The following SNRK variants were observed in gnomAD, a reference collection of about 807,000 sequenced individuals.
The protein encoded by SNRK is SNF related kinase, also known as SNF-related serine/threonine-protein kinase.
Under a neutral mutation model 48.2 loss-of-function variants are expected in SNRK, and 3 were observed. That is an observed-to-expected ratio of 0.06 (90% CI 0.03 to 0.16). The LOEUF is 0.16. Among genes scored for constraint, SNRK ranks in the 10% least tolerant of loss-of-function variants. The pLI, the probability that SNRK is intolerant of heterozygous loss-of-function variation, is 1.00. For synonymous variants in SNRK, 376 were observed against 366.1 expected (o/e 1.03, Z -0.31); for missense variants, 627 against 976.0 (o/e 0.64, Z 4.76).
rs1382345475 is a variant in SNRK, at chr3:43,343,489, A to G, written c.1079+11A>G. 1.2e-6 allele frequency: 2 copies of G among 1,606,534 alleles called. No homozygotes were observed. Among genetic ancestry groups the G allele is most frequent in the Admixed American group, 3.5e-5 (2 of 57,316 alleles). Reference sequence around the variant, plus strand: ...CAAGGCCCAGTTTAGGTGAGAAAAAAATCTTCACTGATTTTAGTAAGTTTA... The same window carrying G: ...CAAGGCCCAGTTTAGGTGAGAAAAAGATCTTCACTGATTTTAGTAAGTTTA... On this transcript the variant is annotated intron_variant, in intron 6 of 6. Transcript: ENST00000296088.
intron 2 of SNRK, among the ~76,000 whole-genome samples, chr3:43,301,097 TACTC>T (rs1243256479): frequency 1.2e-4 from 18 of 152,280 alleles, no homozygotes; most frequent in Admixed American, 5.9e-4. Flanking sequence ...TGGTGTGTAA[TACTC>T]ATTCAGTAAA....
rs559264137 is a variant in SNRK, at chr3:43,325,814, C to T, written c.590-6355C>T. ...TGGTGAAGCAGTTCTCCAATGGGTC[C>T]CCCCTTGGATGAGTATCCATATTGA... On this transcript the variant is annotated intron_variant, in intron 3 of 6. Coordinates refer to ENST00000296088, the MANE Select transcript of SNRK (RefSeq NM_017719.5). Among the ~76,000 whole-genome samples, 5 of 152,134 alleles carry T rather than the reference C, an allele frequency of 3.3e-5. No homozygotes were observed. The South Asian group carries it at 1.0e-3, about 32-fold the overall frequency.
Position 43,343,230 on chromosome 3 carries a change from T to G in SNRK, c.945-114T>G, listed in dbSNP as rs1051742990. ...TCTGGTTTGCATTTTTTGCATAATTTTAAAGATTCCAGCCATTGAATTTAA... is the reference window on the plus strand; with the variant it reads ...TCTGGTTTGCATTTTTTGCATAATTGTAAAGATTCCAGCCATTGAATTTAA... On this transcript the variant is annotated intron_variant, in intron 5 of 6. Transcript: ENST00000296088. 3 of 1,346,298 alleles carry G rather than the reference T, an allele frequency of 2.2e-6. No individual in the cohort carries two copies. In the Admixed American group the frequency reaches 8.6e-5, roughly 38 times the overall value. 83.4% of individuals were successfully genotyped at this position (1,346,298 alleles called of 1,614,324 possible). A position where few individuals can be genotyped will look rare whatever the true frequency, so the allele number is the denominator to read the frequency against.
intron 3 of SNRK, among the ~76,000 whole-genome samples, chr3:43,329,754 C>T (rs919520349): frequency 1.3e-5 from 2 of 151,882 alleles, no homozygotes; most frequent in African/African-American, 2.4e-5. Flanking sequence ...CATAACAAGC[C>T]GAGTGTGTTA....
chr3:43,343,019 A>G (rs1371212669), intron 5 of SNRK, among the ~76,000 whole-genome samples: 1 of 146,338 alleles, frequency 6.8e-6, no homozygotes, highest in Non-Finnish European at 1.5e-5. Context: ...CACTGTACAC[A>G]CAAATTCAAA....
intron 6 of SNRK, among the ~76,000 whole-genome samples, chr3:43,344,213 C>T (rs2091258101): frequency 6.6e-6 from 1 of 152,098 alleles, no homozygotes; most frequent in Non-Finnish European, 1.5e-5. Flanking sequence ...CTCTCCTCCT[C>T]CTCCTCTCCC....
At chr3:43,328,575 C>A (rs1187191779) in intron 3 of SNRK, among the ~76,000 whole-genome samples, 1 of 152,104 alleles carries the variant, frequency 6.6e-6, no homozygotes, top group African/African-American at 2.4e-5. Flanking sequence ...CACTTCCCAC[C>A]CCCATTTGTG....
chr3:43,320,749 A>T (rs1193833752), intron 3 of SNRK, among the ~76,000 whole-genome samples: 1 of 152,110 alleles, frequency 6.6e-6, no homozygotes, highest in Non-Finnish European at 1.5e-5. Context: ...TGCATAATGT[A>T]AGTTGATTAG....
chr3:43,330,821 A>C lies in SNRK; in HGVS notation c.590-1348A>C, dbSNP rs186403262. Among the ~76,000 whole-genome samples, 60 of 152,314 alleles carry C rather than the reference A, an allele frequency of 3.9e-4. 3 individuals carry two copies. The East Asian group carries it at 0.011, about 29-fold the overall frequency. ...CAAGGGTTTGGACTGAATGATCCAT[A>C]GGTCCCTTTCATCTTCAATTACGTA... On this transcript the variant is annotated intron_variant, in intron 3 of 6. Transcript: ENST00000296088.
chr3:43,338,686 A>C (rs1277485871), intron 4 of SNRK, among the ~76,000 whole-genome samples: 1 of 152,042 alleles, frequency 6.6e-6, no homozygotes, highest in Non-Finnish European at 1.5e-5. Context: ...TTCCTAACGC[A>C]GTCTATTGAT....
intron 1 of SNRK, among the ~76,000 whole-genome samples, chr3:43,290,769 T>C (rs1413977750): frequency 6.6e-6 from 1 of 152,254 alleles, no homozygotes; most frequent in Non-Finnish European, 1.5e-5. Flanking sequence ...TGGCTCTTTA[T>C]GCTAGCCTTC....
At chr3:43,293,483 A>G (rs969900528) in intron 1 of SNRK, among the ~76,000 whole-genome samples, 4 of 152,206 alleles carry the variant, frequency 2.6e-5, no homozygotes, top group African/African-American at 9.6e-5. Context: ...TGGAGTATGA[A>G]AGCAGCACAT....
At chr3:43,344,380 T>C (rs1327932817) in intron 6 of SNRK, among the ~76,000 whole-genome samples, 1 of 152,082 alleles carries the variant, frequency 6.6e-6, no homozygotes, top group South Asian at 2.1e-4. Flanking sequence ...AACAGAAGAG[T>C]GCTGCTGATT....
At chr3:43,288,542 G>C (rs1327044158) in intron 1 of SNRK, among the ~76,000 whole-genome samples, 1 of 152,170 alleles carries the variant, frequency 6.6e-6, no homozygotes, top group Non-Finnish European at 1.5e-5. Flanking sequence ...CTGTTCATCT[G>C]AACTTCACTG....
chr3:43,325,456 T>C (rs939420023), intron 3 of SNRK, among the ~76,000 whole-genome samples: 1 of 152,060 alleles, frequency 6.6e-6, no homozygotes, highest in Non-Finnish European at 1.5e-5. Context: ...TGAGCCACCG[T>C]GCCCGGCCCA....
intron 3 of SNRK, among the ~76,000 whole-genome samples, chr3:43,329,869 A>G (rs141685780): frequency 4.3e-4 from 66 of 152,306 alleles, no homozygotes; most frequent in Middle Eastern, 3.4e-3. Flanking sequence ...TCTTCGGTCA[A>G]ATAAGAATGT....
Position 43,348,287 on chromosome 3 carries a change from T to G in SNRK, c.2028T>G (p.Ser676Arg), listed in dbSNP as rs748632098. ...IDPQNGLSFS[S>R]VKVQEKSTWK... is the part of the protein sequence containing the mutation. ...CACAGAATGGCTTGTCATTTTCCAGTGTGAAAGTCCAAGAGAAATCTACGT... is the reference window on the plus strand; with the variant it reads ...CACAGAATGGCTTGTCATTTTCCAGGGTGAAAGTCCAAGAGAAATCTACGT... The change falls in exon 7 of 7, where the codon AGT becomes AGG. Residue 676 changes from serine (S) to arginine (R), a missense_variant. Coordinates refer to ENST00000296088, the MANE Select transcript of SNRK (RefSeq NM_017719.5). The G allele has an allele frequency of 8.7e-6, 14 of 1,613,892 alleles. No individual in the cohort carries two copies. The highest frequency in any genetic ancestry group is 1.2e-5 in the Non-Finnish European group (14 of 1,179,958).
chr3:43,296,569 C>CT (rs2090857584), intron 1 of SNRK, among the ~76,000 whole-genome samples: 2 of 151,832 alleles, frequency 1.3e-5, no homozygotes, highest in South Asian at 4.2e-4. Context: ...GTGCACAGCC[C>CT]TTTTTGTTCA....
In SNRK at chr3:43,348,396, G is replaced by C. The variant is rs753406949; in HGVS notation, c.2137G>C (p.Asp713His). Residue 713 changes from aspartate (D) to histidine (H), a missense_variant, in exon 7 of 7, where the codon GAT becomes CAT. By Grantham distance (81) the Asp-to-His change is moderately conservative. Transcript: ENST00000296088. Reference protein sequence around the residue: ...GIKFFSDHMADTTTELERIKS... With the variant: ...GIKFFSDHMAHTTTELERIKS... The stretch of plus-strand genomic sequence containing the variant: ...AAAGTTTTTCTCTGACCACATGGCA[G>C]ATACCACCACTGAATTGGAACGGAT... 6.2e-6 allele frequency: 10 copies of C among 1,611,232 alleles called. No homozygotes were observed. In the East Asian group the frequency reaches 1.6e-4, roughly 25 times the overall value.
Sources: gnomAD v4.1 joint callset for allele counts (sites outside exome capture counted in the v4.1 genomes callset) on GRCh38, gnomAD v4.1.1 for gene constraint, MANE v1.5 for transcripts, NCBI Gene and HGNC (gene_info 2026-07-23, HGNC 2026-07-21) for gene names.